ADCY1: variants seen among roughly 807,000 people sequenced by gnomAD.
ADCY1 encodes the protein adenylate cyclase type 1.
Under a neutral mutation model 105.4 loss-of-function variants are expected in ADCY1, and 28 were observed. The observed-to-expected ratio is 0.27, with a 90% CI of 0.20 to 0.36. The LOEUF (loss-of-function observed/expected upper bound fraction) is 0.36, where lower values mean the gene tolerates loss of function less well. Ranked by LOEUF, ADCY1 falls within the 10% of genes least tolerant of loss-of-function variation. The pLI is 1.00. For missense variants in ADCY1, 977 were observed against 1,434.2 expected (o/e 0.68, Z 5.15); for synonymous variants, 655 against 623.8 (o/e 1.05, Z -0.75).
intron 1 of ADCY1, among the ~76,000 whole-genome samples, chr7:45,576,814 G>A (rs1792362959): frequency 6.6e-6 from 1 of 152,158 alleles, no homozygotes; most frequent in African/African-American, 2.4e-5. Context: ...GAATAGGGAG[G>A]GGCTGAGCTT....
At chr7:45,586,790 C>G (rs139784282) in intron 1 of ADCY1, among the ~76,000 whole-genome samples, 1 of 152,214 alleles carries the variant, frequency 6.6e-6, no homozygotes, top group Non-Finnish European at 1.5e-5. Flanking sequence ...GCAGGCTGAT[C>G]GCAGTCTGGG....
chr7:45,592,946 T>C (rs750520219), intron 2 of ADCY1, 38 bp downstream of exon 2: 87 of 1,610,278 alleles, frequency 5.4e-5, no homozygotes, highest in Non-Finnish European at 2.5e-6. Flanking sequence ...AGGGGTTGGC[T>C]GTGGGGCTGG....
chr7:45,657,682 G>A (rs1322451369), intron 5 of ADCY1, 45 bp from the exon 6 acceptor site: 2 of 1,583,476 alleles, frequency 1.3e-6, no homozygotes, highest in South Asian at 2.3e-5. Context: ...CCCCTGGGAG[G>A]ATACAAGGTG....
chr7:45,663,078 G>A (rs1325630720), intron 8 of ADCY1, among the ~76,000 whole-genome samples: 1 of 152,228 alleles, frequency 6.6e-6, no homozygotes, highest in African/African-American at 2.4e-5. Flanking sequence ...GGTCCCAGTA[G>A]GGCGTGTGCC....
At position 45,718,113 on chromosome 7, in the gene ADCY1, G is replaced by C. The variant is rs1039355423; in HGVS notation, c.*4118G>C. 6.6e-6 allele frequency: 1 copy of C among 152,150 alleles called. No individual in the cohort carries two copies. The highest frequency in any genetic ancestry group is 2.4e-5 in the African/African-American group (1 of 41,422). The allele number at this position is 152,150 out of a possible 1,614,324, so 9.4% of individuals were successfully genotyped here. ...GCACCCCAGGTCTGGTGAGCAGACAGAGCCGGCGTTAAACCCCGATCAGGT... is the reference window on the plus strand; with the variant it reads ...GCACCCCAGGTCTGGTGAGCAGACACAGCCGGCGTTAAACCCCGATCAGGT... On this transcript the variant is annotated 3_prime_UTR_variant, in exon 20 of 20. Transcript: ENST00000297323.
chr7:45,674,571 A>G (rs888083340), intron 8 of ADCY1, among the ~76,000 whole-genome samples: 4 of 152,048 alleles, frequency 2.6e-5, no homozygotes, highest in African/African-American at 9.7e-5. Flanking sequence ...ACGGGGTTTC[A>G]GCATTTTGGC....
At chr7:45,622,080 C>T (rs1287713597) in intron 3 of ADCY1, among the ~76,000 whole-genome samples, 1 of 152,188 alleles carries the variant, frequency 6.6e-6, no homozygotes, top group African/African-American at 2.4e-5. Flanking sequence ...TGATGCAAGA[C>T]AGTGTGTTTC....
At chr7:45,579,400 C>T (rs986668155) in intron 1 of ADCY1, among the ~76,000 whole-genome samples, 3 of 152,064 alleles carry the variant, frequency 2.0e-5, no homozygotes, top group Non-Finnish European at 4.4e-5. Context: ...CTGGGATCCT[C>T]CTCCCCCACC....
intron 4 of ADCY1, among the ~76,000 whole-genome samples, chr7:45,632,371 T>C (rs1794281083): frequency 6.6e-6 from 1 of 152,188 alleles, no homozygotes; most frequent in Non-Finnish European, 1.5e-5. Context: ...GCTGGTGGAA[T>C]TTTGTTTGGG....
At chr7:45,622,489 A>G (rs924701376) in intron 3 of ADCY1, 143 bp from the exon 4 acceptor site, 2 of 633,624 alleles carry the variant, frequency 3.2e-6, no homozygotes, top group Non-Finnish European at 5.6e-6. Flanking sequence ...GGAACCAGGA[A>G]GCCTTCATTT....
rs776160360 is a variant in ADCY1, at chr7:45,703,583, A to G, written c.2572-17A>G. ...TCACCTGGCTGACCCTTCCTGACCCATCCTTTGAACTTCCAGGACCTCTAC... is the reference window on the plus strand; with the variant it reads ...TCACCTGGCTGACCCTTCCTGACCCGTCCTTTGAACTTCCAGGACCTCTAC... On this transcript the variant is annotated splice_polypyrimidine_tract_variant and intron_variant, in intron 15 of 19. Transcript: ENST00000297323. The surrounding 1 kb of genome is among the most constrained non-coding windows in gnomAD (Gnocchi z 5.9). 6.2e-7 allele frequency: 1 copy of G among 1,611,360 alleles called. No homozygotes were observed. Among genetic ancestry groups the G allele is most frequent in the African/African-American group, 1.3e-5 (1 of 74,820 alleles).
intron 12 of ADCY1, among the ~76,000 whole-genome samples, chr7:45,685,684 T>TG (rs1269800711): frequency 5.3e-5 from 8 of 151,264 alleles, no homozygotes; most frequent in Non-Finnish European, 8.8e-5. Context: ...AGGTTGGAGC[T>TG]GGGGGCAGGA....
chr7:45,638,359 A>C (rs1185329448), intron 4 of ADCY1, among the ~76,000 whole-genome samples: 1 of 151,984 alleles, frequency 6.6e-6, no homozygotes, highest in African/African-American at 2.4e-5. Context: ...CATTAATTTT[A>C]TCCAGTATAG....
At chr7:45,667,045 T>C (rs955326057) in intron 8 of ADCY1, among the ~76,000 whole-genome samples, 1 of 152,190 alleles carries the variant, frequency 6.6e-6, no homozygotes, top group Non-Finnish European at 1.5e-5. Flanking sequence ...GTCAGATGAG[T>C]AGATTGCAAA....
chr7:45,597,186 C>A (rs897043243), intron 2 of ADCY1, among the ~76,000 whole-genome samples: 6 of 152,198 alleles, frequency 3.9e-5, no homozygotes, highest in Non-Finnish European at 7.3e-5. Context: ...AACTCCTCAT[C>A]CTGTCCCAGC....
chr7:45,653,706 C>G (rs111825655), intron 5 of ADCY1, among the ~76,000 whole-genome samples: 9 of 152,326 alleles, frequency 5.9e-5, no homozygotes, highest in African/African-American at 2.2e-4. Context: ...GGGCTTTGCT[C>G]TGTGTGAGGT....
intron 2 of ADCY1, among the ~76,000 whole-genome samples, chr7:45,609,689 G>A (rs144891397): frequency 1.3e-5 from 2 of 152,142 alleles, no homozygotes; most frequent in African/African-American, 2.4e-5. Context: ...CAGGTCAAGG[G>A]CCAGCTGGGG....
chr7:45,610,601 T>C, intron 3 of ADCY1, 104 bp downstream of exon 3: 1 of 942,302 alleles, frequency 1.1e-6, no homozygotes, highest in Admixed American at 2.0e-5. Flanking sequence ...AAGGGATGGA[T>C]GGAGGTGGGG....
At chr7:45,673,047 C>T (rs1784393740) in intron 8 of ADCY1, among the ~76,000 whole-genome samples, 1 of 152,132 alleles carries the variant, frequency 6.6e-6, no homozygotes, top group Non-Finnish European at 1.5e-5. Flanking sequence ...AATGGTTTTT[C>T]TGTATCAATT....
Sources: gnomAD v4.1 joint callset for allele counts (sites outside exome capture counted in the v4.1 genomes callset) on GRCh38, gnomAD v4.1.1 for gene constraint, Gnocchi (gnomAD v3.1) non-coding constraint, MANE v1.5 for transcripts, NCBI Gene and HGNC (gene_info 2026-07-23, HGNC 2026-07-21) for gene names.